The following SCAF8 variants were observed in gnomAD, a reference collection of about 807,000 sequenced individuals.
SCAF8 encodes the protein SR-related CTD associated factor 8, also known as SR-related and CTD-associated factor 8.
In SCAF8, 23 loss-of-function variants were observed where a neutral mutation model predicts 140.5. The ratio of observed to expected loss-of-function variants is 0.16; its 90% CI spans 0.12 to 0.23. SCAF8 has a LOEUF of 0.23. Ranked by LOEUF, SCAF8 falls within the 10% of genes least tolerant of loss-of-function variation. SCAF8 has a pLI of 1.00. For missense variants in SCAF8, 1,397 were observed against 1,555.7 expected, an observed-to-expected ratio of 0.90 and a Z score of 1.72; for synonymous variants, 575 against 528.9, an observed-to-expected ratio of 1.09 and a Z score of -1.20.
intron 1 of SCAF8, among the ~76,000 whole-genome samples, chr6:154,738,852 G>GGA (rs372808901): frequency 1.9e-3 from 287 of 152,276 alleles, no homozygotes; most frequent in African/African-American, 5.3e-3. Context: ...ATCACTATGT[G>GGA]GAGGTCATTC....
intron 6 of SCAF8, among the ~76,000 whole-genome samples, chr6:154,797,607 G>A (rs1188756660): frequency 2.6e-5 from 4 of 151,168 alleles, no homozygotes; most frequent in Admixed American, 2.6e-4. Context: ...TGTTAGCCAG[G>A]ATGGTCTTGA....
chr6:154,790,359 T>G (rs1236710574), intron 4 of SCAF8, among the ~76,000 whole-genome samples: 1 of 152,094 alleles, frequency 6.6e-6, no homozygotes, highest in Non-Finnish European at 1.5e-5. Flanking sequence ...ATACACAAAT[T>G]TGCACATTAA....
At chr6:154,827,478 AT>A (rs1375719747) in intron 18 of SCAF8, among the ~76,000 whole-genome samples, 5 of 152,026 alleles carry the variant, frequency 3.3e-5, no homozygotes, top group African/African-American at 1.2e-4. Context: ...CTCTCATCCT[AT>A]TTGTGTGTTT....
At position 154,793,905 on chromosome 6, in the gene SCAF8, G is replaced by GTGTA. The variant is rs1554261639; in HGVS notation, c.475+932_475+933insATGT. 3.3e-5 allele frequency among the ~76,000 whole-genome samples: 5 copies of GTGTA among 149,448 alleles called. No homozygotes were observed. The South Asian group carries it at 6.3e-4, about 19-fold the overall frequency. On this transcript the variant is annotated intron_variant, in intron 5 of 19. Transcript: ENST00000367178. ...TTTCATAATTTTGTATGTATTTTGT[G>GTGTA]TGTGTGTGTGTATGAACAAAAATTG...
intron 17 of SCAF8, chr6:154,824,897 T>A (rs974314581): frequency 6.6e-6 from 1 of 150,846 alleles, no homozygotes; most frequent in Admixed American, 6.6e-5. Flanking sequence ...TGAGCCAAGA[T>A]CACACCACTG....
Position 154,767,376 on chromosome 6 carries a change from A to AT in SCAF8, c.31-6600dup, listed in dbSNP as rs796270559. Among the ~76,000 whole-genome samples the AT allele has an allele frequency of 3.0e-3, 427 of 143,370 alleles. 4 individuals are homozygous for AT. Among genetic ancestry groups the AT allele is most frequent in the East Asian group, 0.027 (134 of 4,964 alleles). The allele number at this position is 143,370 out of a possible 152,430, so 94.1% of individuals were successfully genotyped here. Reference sequence around the variant, plus strand: ...CTTACCAGTAAGTGTTCTTTGTGGTATTTTTTTTTTTTTCTCCAGAATAAG... The same window carrying AT: ...CTTACCAGTAAGTGTTCTTTGTGGTATTTTTTTTTTTTTTCTCCAGAATAAG... On this transcript the variant is annotated intron_variant, in intron 1 of 19. Transcript: ENST00000367178.
intron 18 of SCAF8, among the ~76,000 whole-genome samples, chr6:154,829,802 G>C (rs949789442): frequency 7.9e-5 from 12 of 151,716 alleles, no homozygotes; most frequent in African/African-American, 2.9e-4. Flanking sequence ...AGCTACTCAG[G>C]AGGCTGAGGC....
intron 2 of SCAF8, among the ~76,000 whole-genome samples, chr6:154,774,877 A>AT (rs905156432): frequency 6.6e-6 from 1 of 152,116 alleles, no homozygotes; most frequent in Non-Finnish European, 1.5e-5. Flanking sequence ...TCAGCCATAG[A>AT]TTTTTCCCCG....
Position 154,733,628 on chromosome 6 carries a change from C to A in SCAF8, c.-273C>A. On this transcript the variant is annotated 5_prime_UTR_variant, in exon 1 of 20. Transcript: ENST00000367178. ...AGAAGGCGCCGCGGCCCAGCCCCTC[C>A]CCCGCCCGCCGCCGACCCGCCCCGG... is the stretch of plus-strand genomic sequence containing the variant. 7.7e-7 allele frequency: 1 copy of A among 1,294,626 alleles called. No individual in the cohort carries two copies. Among genetic ancestry groups the A allele is most frequent in the African/African-American group, 1.5e-5 (1 of 64,684 alleles). 80.2% of individuals were successfully genotyped at this position (1,294,626 alleles called of 1,614,324 possible).
intron 8 of SCAF8, among the ~76,000 whole-genome samples, chr6:154,804,300 G>A (rs576801531): frequency 2.6e-5 from 4 of 152,220 alleles, no homozygotes; most frequent in African/African-American, 7.2e-5. Flanking sequence ...GAATATGTTA[G>A]ATACAAATGT....
In SCAF8 at chr6:154,803,573, A is replaced by G. The variant is rs1472112076; in HGVS notation, c.813A>G (p.Glu271=). 6.2e-7 allele frequency: 1 copy of G among 1,612,582 alleles called. No homozygotes were observed. The highest frequency in any genetic ancestry group is 1.3e-5 in the African/African-American group (1 of 74,870). Residue 271 remains glutamate, a synonymous_variant, in exon 8 of 20, where the codon GAA becomes GAG. Coordinates refer to ENST00000367178, the MANE Select transcript of SCAF8 (RefSeq NM_014892.5). The part of the protein sequence containing the change: ...KKLMDRFDFG[E]DSEHSEEPKK... ...TGATGGATAGGTTTGATTTTGGGGA[A>G]GACTCTGAGCATAGTGAAGAACCCA...
chr6:154,793,938 G>GT (rs1428717411), intron 5 of SCAF8, among the ~76,000 whole-genome samples: 5 of 131,682 alleles, frequency 3.8e-5, no homozygotes, highest in Admixed American at 3.1e-4. Flanking sequence ...TTGATGTACT[G>GT]TTTTTTGAGA....
intron 12 of SCAF8, among the ~76,000 whole-genome samples, chr6:154,810,891 A>G (rs1020771685): frequency 2.6e-5 from 4 of 152,214 alleles, no homozygotes; most frequent in African/African-American, 7.2e-5. Context: ...ACAAATTGTC[A>G]TTCTTTCCAA....
At position 154,802,101 on chromosome 6, in the gene SCAF8, C is replaced by G. The variant is rs371212468; in HGVS notation, c.737C>G (p.Ala246Gly). Residue 246 changes from alanine to glycine, a missense_variant, in exon 7 of 20, where the codon GCT becomes GGT. Transcript: ENST00000367178. Reference sequence around the variant, plus strand: ...GCACAACTTACAGCTGCAGCTGCAGCTGCCAACACTCTTACTCCCTTAGAA... The same window carrying G: ...GCACAACTTACAGCTGCAGCTGCAGGTGCCAACACTCTTACTCCCTTAGAA... ...LTAQLTAAAA[A>G]ANTLTPLEQG... 6.2e-7 allele frequency: 1 copy of G among 1,612,244 alleles called. No individual in the cohort carries two copies. Among genetic ancestry groups the G allele is most frequent in the Non-Finnish European group, 8.5e-7 (1 of 1,179,028 alleles).
At chr6:154,790,975 A>G (rs765262338) in intron 4 of SCAF8, among the ~76,000 whole-genome samples, 1 of 152,238 alleles carries the variant, frequency 6.6e-6, no homozygotes, top group African/African-American at 2.4e-5. Context: ...TAGTTATTAC[A>G]TAATCACTCT....
At chr6:154,811,043 CATCTTCT>C (rs1446335106) in intron 12 of SCAF8, among the ~76,000 whole-genome samples, 2 of 152,236 alleles carry the variant, frequency 1.3e-5, no homozygotes, top group African/African-American at 4.8e-5. Flanking sequence ...AGGCAATAGC[CATCTTCT>C]TACTAAGTTT....
At chr6:154,775,103 C>G (rs1175519939) in intron 2 of SCAF8, among the ~76,000 whole-genome samples, 1 of 152,100 alleles carries the variant, frequency 6.6e-6, no homozygotes, top group Non-Finnish European at 1.5e-5. Context: ...TAACAGATTC[C>G]TATTTACTAG....
chr6:154,758,843 T>A (rs1325445923), intron 1 of SCAF8, among the ~76,000 whole-genome samples: 1 of 152,144 alleles, frequency 6.6e-6, no homozygotes, highest in African/African-American at 2.4e-5. Context: ...AGGGGAAATT[T>A]TCTTCTTTTT....
At chr6:154,770,776 C>T (rs1402741797) in intron 1 of SCAF8, among the ~76,000 whole-genome samples, 1 of 152,094 alleles carries the variant, frequency 6.6e-6, no homozygotes, top group Non-Finnish European at 1.5e-5. Context: ...CACAAAGCCT[C>T]GCTCTGTCAC....
Sources: gnomAD v4.1 joint callset for allele counts (sites outside exome capture counted in the v4.1 genomes callset) on GRCh38, gnomAD v4.1.1 for gene constraint, MANE v1.5 for transcripts, NCBI Gene and HGNC (gene_info 2026-07-23, HGNC 2026-07-21) for gene names.